The following SERPINB8 variants were observed in gnomAD, a reference collection of about 807,000 sequenced individuals.
SERPINB8 encodes the protein serpin family B member 8.
Under a neutral mutation model 35.3 loss-of-function variants are expected in SERPINB8, and 25 were observed. That is an observed-to-expected ratio of 0.71 (90% CI 0.52 to 0.99). The LOEUF (loss-of-function observed/expected upper bound fraction) is 0.99, where lower values mean the gene tolerates loss of function less well. SERPINB8 is among the 50% of genes least tolerant of loss of function. The pLI is 0.00. For synonymous variants in SERPINB8, 186 were observed against 160.8 expected (o/e 1.16, Z -1.19); for missense variants, 484 against 446.5 (o/e 1.08, Z -0.76).
At chr18:63,970,765 C>T (rs2050460423) in intron 1 of SERPINB8, among the ~76,000 whole-genome samples, 1 of 152,120 alleles carries the variant, frequency 6.6e-6, no homozygotes, top group Non-Finnish European at 1.5e-5. Flanking sequence ...ATTGGTTGCA[C>T]CTTCTCCTTC....
rs375820944 is a variant in SERPINB8, at chr18:63,979,798, C to T, written c.169-3C>T. The T allele has an allele frequency of 2.2e-5, 35 of 1,613,868 alleles. No homozygotes were observed. The Middle Eastern group carries it at 1.5e-3, about 68-fold the overall frequency. ...AAAAGTCAGTGTTGGTTTCTGTTCC[C>T]AGGCACTTTGTTTATACAAAGACGG... On this transcript the variant is annotated splice_polypyrimidine_tract_variant and splice_region_variant and intron_variant, in intron 2 of 6. Coordinates refer to ENST00000397985, the MANE Select transcript of SERPINB8 (RefSeq NM_002640.4).
chr18:64,016,438 T>C (rs2050950643), intron 7 of SERPINB8, among the ~76,000 whole-genome samples: 1 of 152,212 alleles, frequency 6.6e-6, no homozygotes, highest in Admixed American at 6.5e-5. Context: ...TTTTGTTTTT[T>C]GTTTGTTTTT....
intron 7 of SERPINB8, among the ~76,000 whole-genome samples, chr18:64,015,885 A>G (rs1019575529): frequency 3.9e-5 from 6 of 152,220 alleles, no homozygotes; most frequent in Admixed American, 3.3e-4. Context: ...TTAAGTGTTA[A>G]GCAATGTCTC....
rs78094373 is a variant in SERPINB8 at position 63,986,500 on chromosome 18, T to C, written c.721-374T>C. On this transcript the variant is annotated intron_variant, in intron 6 of 6. Transcript: ENST00000397985. ...AGTTCTGAGCCATGCTCTTTGTCTT[T>C]TGTCAAACAATCTCTCCCACTCACA... is the stretch of plus-strand genomic sequence containing the variant. The C allele has an allele frequency of 2.4e-3, 3,211 of 1,349,138 alleles. 86 individuals are homozygous for C. In the African/African-American group the frequency reaches 0.043, roughly 18 times the overall value. 83.6% of individuals were successfully genotyped at this position (1,349,138 alleles called of 1,614,324 possible).
At chr18:63,973,494 A>C (rs1387288199) in intron 1 of SERPINB8, among the ~76,000 whole-genome samples, 1 of 152,096 alleles carries the variant, frequency 6.6e-6, no homozygotes, top group Non-Finnish European at 1.5e-5. Context: ...TCTTTAGTTT[A>C]ATTAGATCCC....
chr18:64,011,151 T>A (rs1350010152), intron 7 of SERPINB8, among the ~76,000 whole-genome samples: 1 of 151,986 alleles, frequency 6.6e-6, no homozygotes, highest in Non-Finnish European at 1.5e-5. Flanking sequence ...AAGACAAAAA[T>A]CTTTTAGATT....
Position 63,987,013 on chromosome 18 carries a change from G to T in SERPINB8, c.860G>T (p.Gly287Val). Residue 287 changes from glycine (G) to valine (V), a missense_variant, in exon 7 of 7, where the codon GGA (glycine) becomes GTA (valine). Transcript: ENST00000397985. The stretch of plus-strand genomic sequence containing the variant: ...TTGGAGCCTTTCCTTCGAAGATTAG[G>T]AATGATCGATGCTTTTGACGAAGCC... ...YDLEPFLRRLGMIDAFDEAKA... is the reference protein window; with the variant it reads ...YDLEPFLRRLVMIDAFDEAKA... 3.1e-6 allele frequency: 5 copies of T among 1,614,204 alleles called. No individual in the cohort carries two copies. Among genetic ancestry groups the T allele is most frequent in the Non-Finnish European group, 4.2e-6 (5 of 1,180,048 alleles).
intron 5 of SERPINB8, 34 bp from the exon 6 acceptor site, chr18:63,985,059 C>T: frequency 6.2e-7 from 1 of 1,610,280 alleles, no homozygotes; most frequent in Non-Finnish European, 8.5e-7. Flanking sequence ...ATTATACCCA[C>T]TTTTCAGTAA....
chr18:63,979,676 A>G (rs1934680494), intron 2 of SERPINB8, 125 bp from the exon 3 acceptor site: 1 of 1,186,524 alleles, frequency 8.4e-7, no homozygotes, highest in South Asian at 1.4e-5. Context: ...GTGCTAGACA[A>G]TTAGGCCAAA....
chr18:63,989,961 A>C (rs1290605371), downstream of SERPINB8, among the ~76,000 whole-genome samples: 2 of 149,312 alleles, frequency 1.3e-5, no homozygotes, highest in Admixed American at 1.3e-4. Context: ...AAAAAAAAAA[A>C]AAAAAAAACC....
intron 3 of SERPINB8, 74 bp downstream of exon 3, chr18:63,980,012 A>G: frequency 6.9e-7 from 1 of 1,455,332 alleles, no homozygotes; most frequent in Non-Finnish European, 9.5e-7. Flanking sequence ...ATAATAAAGT[A>G]TAACTGTACT....
chr18:64,017,861 AT>A (rs2050957860), intron 7 of SERPINB8, among the ~76,000 whole-genome samples: 1 of 152,174 alleles, frequency 6.6e-6, no homozygotes, highest in African/African-American at 2.4e-5. Context: ...TGCATATGGA[AT>A]TTTTTTGACT....
At chr18:64,016,262 T>G (rs762011521) in intron 7 of SERPINB8, among the ~76,000 whole-genome samples, 6 of 152,196 alleles carry the variant, frequency 3.9e-5, no homozygotes, top group South Asian at 2.1e-4. Context: ...AAGAAAGCTT[T>G]CTAGCTATCT....
rs1478851286 is a variant in SERPINB8 at position 63,985,241 on chromosome 18, C to A, written c.716C>A (p.Ala239Asp). ...CTTCCCGATGACAACACGGACCTCG[C>A]CGTGGTAAGCTCCAGGCAATGAGCC... ...ILLPDDNTDL[A>D]VVEKALTYEK... The change falls in exon 6 of 7, where the codon GCC becomes GAC. Residue 239 changes from alanine (A) to aspartate (D), a missense_variant. Transcript: ENST00000397985. 3 of 1,614,064 alleles carry A rather than the reference C, an allele frequency of 1.9e-6. No individual in the cohort carries two copies. Among genetic ancestry groups the A allele is most frequent in the Non-Finnish European group, 2.5e-6 (3 of 1,179,992 alleles).
downstream of SERPINB8, among the ~76,000 whole-genome samples, chr18:63,990,071 G>A (rs78688213): frequency 3.4e-5 from 4 of 116,076 alleles, no homozygotes; most frequent in Non-Finnish European, 5.3e-5. Flanking sequence ...TTGTTTTCGT[G>A]TTTTTTTTTT....
chr18:63,993,675 A>C (rs1420625526), downstream of SERPINB8, among the ~76,000 whole-genome samples: 1 of 152,194 alleles, frequency 6.6e-6, no homozygotes, highest in African/African-American at 2.4e-5. Context: ...ATAATTGTTG[A>C]CAGGTCCAGC....
chr18:63,986,824 A>G (rs2050762398), intron 6 of SERPINB8, 50 bp from the exon 7 acceptor site: 3 of 1,520,392 alleles, frequency 2.0e-6, no homozygotes, highest in African/African-American at 1.4e-5. Flanking sequence ...GTGTGTGGGT[A>G]TCAGGCTATT....
At chr18:63,971,069 C>A (rs1164351237) in intron 1 of SERPINB8, among the ~76,000 whole-genome samples, 1 of 152,184 alleles carries the variant, frequency 6.6e-6, no homozygotes, top group Admixed American at 6.5e-5. Flanking sequence ...TCTGCGTAGA[C>A]CGCGCCCTCT....
intron 7 of SERPINB8, among the ~76,000 whole-genome samples, chr18:64,018,508 G>T (rs759415138): frequency 3.3e-5 from 5 of 152,102 alleles, no homozygotes; most frequent in Non-Finnish European, 7.4e-5. Flanking sequence ...CTATTAAAGT[G>T]GGTAGAAAAA....
Sources: gnomAD v4.1 joint callset for allele counts (sites outside exome capture counted in the v4.1 genomes callset) on GRCh38, gnomAD v4.1.1 for gene constraint, MANE v1.5 for transcripts, NCBI Gene and HGNC (gene_info 2026-07-23, HGNC 2026-07-21) for gene names.